LTBP2: variants seen among roughly 807,000 people sequenced by gnomAD.
LTBP2 encodes latent transforming growth factor beta binding protein 2.
LTBP2 carries 103 observed loss-of-function variants against 210.6 expected under a neutral mutation model. That is an observed-to-expected ratio of 0.49 (90% CI 0.42 to 0.58). The LOEUF (loss-of-function observed/expected upper bound fraction) is 0.58. LTBP2 is among the 20% of genes least tolerant of loss of function. LTBP2 has a pLI of 0.00. For synonymous variants in LTBP2, 1,007 were observed against 1,015.0 expected, an observed-to-expected ratio of 0.99 and a Z score of 0.15; for missense variants, 2,313 against 2,494.5, an observed-to-expected ratio of 0.93 and a Z score of 1.55.
intron 9 of LTBP2, 140 bp from the exon 10 acceptor site, chr14:74,532,688 C>T: frequency 1.1e-6 from 1 of 945,476 alleles, no homozygotes; most frequent in Non-Finnish European, 1.6e-6. Flanking sequence ...GGATTCCTCT[C>T]CCTGTGCCTC....
chr14:74,596,831 G>T (rs1490684272), intron 2 of LTBP2, among the ~76,000 whole-genome samples: 1 of 152,206 alleles, frequency 6.6e-6, no homozygotes, highest in Non-Finnish European at 1.5e-5. Flanking sequence ...ACCTGCACGG[G>T]GGAGTTAGCT....
At chr14:74,511,129 G>A in intron 19 of LTBP2, 116 bp downstream of exon 19, 2 of 1,523,800 alleles carry the variant, frequency 1.3e-6, no homozygotes, top group South Asian at 1.1e-5. Context: ...GATCATGGAG[G>A]ACAACAGCCT....
intron 35 of LTBP2, 147 bp downstream of exon 35, chr14:74,501,294 A>T: frequency 7.6e-7 from 1 of 1,313,372 alleles, no homozygotes; most frequent in Middle Eastern, 2.1e-4. Flanking sequence ...GCACATAATT[A>T]AACCTTCCTT....
chr14:74,509,274 C>A lies in LTBP2; in HGVS notation c.3367G>T (p.Gly1123Cys), dbSNP rs2087037199. 1.2e-6 allele frequency: 2 copies of A among 1,613,548 alleles called. No homozygotes were observed. The highest frequency in any genetic ancestry group is 2.7e-5 in the African/African-American group (2 of 74,928). Residue 1123 changes from glycine to cysteine, a missense_variant, in exon 22 of 36, where the codon GGC becomes TGC. Transcript: ENST00000261978. ...TCACCCAGGGGGCTGGGCCGGTAGC[C>A]CCCATCGCAGTCCTTGCAGGAGAAG... ...GSFSCKDCDG[G>C]YRPSPLGDSC...
Position 74,531,564 on chromosome 14 carries a change from G to A in LTBP2, c.1987+862C>T, listed in dbSNP as rs549947125. 1.3e-4 allele frequency among the ~76,000 whole-genome samples: 20 copies of A among 152,294 alleles called. No individual in the cohort carries two copies. The East Asian group carries it at 3.7e-3, about 28-fold the overall frequency. On this transcript the variant is annotated intron_variant, in intron 10 of 35. Transcript: ENST00000261978. ...GCTCTTGCTGTCTTCTCTCCCTAGAGCCACTGGGTTCAGCCTCTGGGTGGC... is the reference window on the plus strand; with the variant it reads ...GCTCTTGCTGTCTTCTCTCCCTAGAACCACTGGGTTCAGCCTCTGGGTGGC...
intron 3 of LTBP2, among the ~76,000 whole-genome samples, chr14:74,574,083 GAAC>G (rs2088022880): frequency 6.6e-6 from 1 of 152,160 alleles, no homozygotes; most frequent in African/African-American, 2.4e-5. Context: ...TGGTGGGTTA[GAAC>G]AACAACCACA....
intron 3 of LTBP2, among the ~76,000 whole-genome samples, chr14:74,568,004 T>C (rs911865960): frequency 6.6e-6 from 1 of 152,182 alleles, no homozygotes; most frequent in Non-Finnish European, 1.5e-5. Context: ...AAAGGGCATC[T>C]TTCCCACCAA....
chr14:74,577,160 T>C (rs557960031), intron 3 of LTBP2, among the ~76,000 whole-genome samples: 47 of 151,792 alleles, frequency 3.1e-4, no homozygotes, highest in African/African-American at 1.1e-3. Context: ...ATCAGAGTTA[T>C]ACAAACAGGT....
intron 35 of LTBP2, 52 bp downstream of exon 35, chr14:74,501,389 T>C: frequency 6.2e-7 from 1 of 1,613,428 alleles, no homozygotes; most frequent in Non-Finnish European, 8.5e-7. Flanking sequence ...AGTTCAGGCG[T>C]CTCTGTGGGC....
intron 3 of LTBP2, among the ~76,000 whole-genome samples, chr14:74,582,708 C>A (rs2088153769): frequency 6.6e-6 from 1 of 152,164 alleles, no homozygotes. Flanking sequence ...GGGCTCTAAC[C>A]CTCACTACTC....
chr14:74,518,434 TC>T (rs2087162051), intron 17 of LTBP2, among the ~76,000 whole-genome samples: 2 of 152,126 alleles, frequency 1.3e-5, no homozygotes, highest in South Asian at 4.1e-4. Flanking sequence ...CAGGACCTGT[TC>T]CTGAGCCTCT....
intron 21 of LTBP2, 106 bp from the exon 22 acceptor site, chr14:74,509,469 A>AGG: frequency 6.6e-7 from 1 of 1,526,564 alleles, no homozygotes; most frequent in Non-Finnish European, 9.0e-7. Flanking sequence ...GGGCTTTCCT[A>AGG]AAACCCCCTC....
intron 3 of LTBP2, among the ~76,000 whole-genome samples, chr14:74,570,529 T>TTC (rs1409549246): frequency 6.6e-6 from 1 of 152,172 alleles, no homozygotes; most frequent in Non-Finnish European, 1.5e-5. Flanking sequence ...AAAAGGAGAT[T>TTC]TCTATGGGAA....
In LTBP2 at chr14:74,555,545, T is replaced by G; in HGVS notation, c.979A>C (p.Thr327Pro). The change falls in exon 4 of 36, where the codon ACC becomes CCC. Residue 327 changes from threonine (T) to proline (P), a missense_variant. By Grantham distance (38) the Thr-to-Pro change is conservative. Coordinates refer to ENST00000261978, the MANE Select transcript of LTBP2 (RefSeq NM_000428.3). The part of the protein sequence containing the change: ...PGPGLEQRDG[T>P]QQAVPLEHPS... ...TGCTCCAGAGGTACCGCCTGTTGGG[T>G]GCCATCTCTCTGCTCAAGGCCTGGT... 2 of 1,613,248 alleles carry G rather than the reference T, an allele frequency of 1.2e-6. No individual in the cohort carries two copies. Among genetic ancestry groups the G allele is most frequent in the Non-Finnish European group, 1.7e-6 (2 of 1,179,536 alleles).
intron 9 of LTBP2, among the ~76,000 whole-genome samples, chr14:74,533,982 C>A (rs1566627268): frequency 6.6e-6 from 1 of 152,142 alleles, no homozygotes. Flanking sequence ...AGGTCACCCA[C>A]CGGTTTGGGG....
At chr14:74,526,779 G>T (rs190931037) in intron 13 of LTBP2, among the ~76,000 whole-genome samples, 27 of 152,280 alleles carry the variant, frequency 1.8e-4, no homozygotes, top group Middle Eastern at 3.4e-3. Context: ...GGCTGATGAG[G>T]GAAGAAGCAG....
intron 3 of LTBP2, among the ~76,000 whole-genome samples, chr14:74,562,930 C>T (rs1417430471): frequency 2.0e-5 from 3 of 152,272 alleles, no homozygotes; most frequent in East Asian, 1.9e-4. Context: ...TGCAGATAAA[C>T]CTTCTGTGGT....
chr14:74,534,587 C>G (rs1566627552), intron 9 of LTBP2, among the ~76,000 whole-genome samples: 1 of 152,190 alleles, frequency 6.6e-6, no homozygotes, highest in Non-Finnish European at 1.5e-5. Flanking sequence ...CTGCTGCTTT[C>G]TCTCAAGAAT....
At chr14:74,542,976 C>A (rs2087528736) in intron 8 of LTBP2, among the ~76,000 whole-genome samples, 1 of 151,864 alleles carries the variant, frequency 6.6e-6, no homozygotes, top group Non-Finnish European at 1.5e-5. Flanking sequence ...ACCATGTTGG[C>A]CAGGATGTTC....
Sources: gnomAD v4.1 joint callset for allele counts (sites outside exome capture counted in the v4.1 genomes callset) on GRCh38, gnomAD v4.1.1 for gene constraint, MANE v1.5 for transcripts, NCBI Gene and HGNC (gene_info 2026-07-23, HGNC 2026-07-21) for gene names.